The following PCDHA2 variants were observed in gnomAD, a reference collection of about 807,000 sequenced individuals.
PCDHA2 encodes the protein protocadherin alpha 2.
In PCDHA2, 58 loss-of-function variants were observed where a neutral mutation model predicts 66.0. That is an observed-to-expected ratio of 0.88 (90% CI 0.71 to 1.09). PCDHA2 has a LOEUF of 1.09. Among genes scored for constraint, PCDHA2 ranks in the 50% least tolerant of loss-of-function variants. The probability of loss-of-function intolerance (pLI) is 0.00; values close to 1 mark genes in which losing one functional copy is unlikely to be tolerated. For missense variants in PCDHA2, 1,267 were observed against 1,242.3 expected (o/e 1.02, Z -0.30); for synonymous variants, 634 against 554.0 (o/e 1.14, Z -2.03).
chr5:140,842,826 G>C (rs2150345442), intron 1 of PCDHA2: 2 of 1,593,690 alleles, frequency 1.3e-6, no homozygotes, highest in East Asian at 2.2e-5. Context: ...GTGGGCGAGC[G>C]CTCGCTGTCG....
intron 1 of PCDHA2, chr5:140,848,580 G>A: frequency 6.3e-7 from 1 of 1,595,144 alleles, no homozygotes; most frequent in Non-Finnish European, 8.6e-7. Flanking sequence ...GGTGGGGAGC[G>A]GCCAGCTCCA....
chr5:140,952,028 T>C (rs2094677235), intron 1 of PCDHA2, among the ~76,000 whole-genome samples: 1 of 152,164 alleles, frequency 6.6e-6, no homozygotes, highest in Non-Finnish European at 1.5e-5. Flanking sequence ...AAGTCCGAAA[T>C]CCAGTAGGGC....
chr5:140,795,703 T>C lies in PCDHA2; in HGVS notation c.739T>C (p.Tyr247His). ...TGAACCAACTTTTGCCCAATCAGTT[T>C]ACAAAGTAAAATTGTTAGAGAATAC... ...DNEPTFAQSV[Y>H]KVKLLENTAN... is the part of the protein sequence containing the mutation. The change falls in exon 1 of 4, where the codon TAC becomes CAC. Residue 247 changes from tyrosine (Y) to histidine (H), a missense_variant. Coordinates refer to ENST00000526136, the MANE Select transcript of PCDHA2 (RefSeq NM_018905.3). 1 of 1,614,144 alleles carries C rather than the reference T, an allele frequency of 6.2e-7. No homozygotes were observed. Among genetic ancestry groups the C allele is most frequent in the South Asian group, 1.1e-5 (1 of 91,088 alleles).
At chr5:140,869,546 C>T (rs201504685) in intron 1 of PCDHA2, 3 of 1,614,170 alleles carry the variant, frequency 1.9e-6, no homozygotes, top group Middle Eastern at 1.6e-4. Flanking sequence ...TCTAAGCAAT[C>T]GGACTCGCGT....
intron 1 of PCDHA2, among the ~76,000 whole-genome samples, chr5:140,845,551 C>A (rs1311867646): frequency 6.7e-6 from 1 of 149,234 alleles, no homozygotes. Context: ...TATGGTGATG[C>A]TTTTAGCTAT....
At chr5:140,862,992 C>A (rs781974665) in intron 1 of PCDHA2, 3 of 548,132 alleles carry the variant, frequency 5.5e-6, no homozygotes, top group Admixed American at 1.9e-5. Flanking sequence ...AAGGTGCGCA[C>A]GGTGGACTCC....
rs1026092245 is a variant in PCDHA2 at position 140,987,228 on chromosome 5, T to A, written c.2536+4665T>A. On this transcript the variant is annotated intron_variant, in intron 3 of 3. Transcript: ENST00000526136. The stretch of plus-strand genomic sequence containing the variant: ...GACTCCATCTCAAAAAAAAAAAAAA[T>A]AATAAATAAAGAAAGAAAGACATTC... Among the ~76,000 whole-genome samples, 392 of 149,148 alleles carry A rather than the reference T, an allele frequency of 2.6e-3. 1 individual carries two copies. Among genetic ancestry groups the A allele is most frequent in the African/African-American group, 8.3e-3 (336 of 40,458 alleles).
At chr5:140,978,913 T>C in intron 1 of PCDHA2, 36 bp from the exon 2 acceptor site, 1 of 1,613,902 alleles carries the variant, frequency 6.2e-7, no homozygotes, top group Non-Finnish European at 8.5e-7. Flanking sequence ...CATTGTCTTG[T>C]CATTTTAACA....
chr5:141,000,647 C>G (rs1442819157), intron 3 of PCDHA2, among the ~76,000 whole-genome samples: 1 of 151,182 alleles, frequency 6.6e-6, no homozygotes, highest in Non-Finnish European at 1.5e-5. Context: ...AGGCTGGTCT[C>G]GAACTCCTGA....
At chr5:140,881,330 G>A (rs2153378633) in intron 1 of PCDHA2, 1 of 984,626 alleles carries the variant, frequency 1.0e-6, no homozygotes, top group Non-Finnish European at 1.2e-6. Context: ...ATTTAACCAG[G>A]ACGCCGATTC....
At position 140,993,460 on chromosome 5, in the gene PCDHA2, T is replaced by TCACACA. The variant is rs1554253699; in HGVS notation, c.2536+10898_2536+10899insACACAC. ...TTCATTCCTGTTCTCCTTCTTTCTT[T>TCACACA]CTCACACACACACACACACACACAC... On this transcript the variant is annotated intron_variant, in intron 3 of 3. Transcript: ENST00000526136. Among the ~76,000 whole-genome samples, 49 of 104,564 alleles carry TCACACA rather than the reference T, an allele frequency of 4.7e-4. 1 individual carries two copies. Among genetic ancestry groups the TCACACA allele is most frequent in the Admixed American group, 1.8e-3 (15 of 8,460 alleles). 68.6% of individuals were successfully genotyped at this position (104,564 alleles called of 152,430 possible).
At chr5:140,995,543 G>T (rs1243799532) in intron 3 of PCDHA2, among the ~76,000 whole-genome samples, 1 of 152,144 alleles carries the variant, frequency 6.6e-6, no homozygotes, top group African/African-American at 2.4e-5. Flanking sequence ...AATAAGGGGC[G>T]ATCACTGTAC....
intron 1 of PCDHA2, among the ~76,000 whole-genome samples, chr5:140,935,315 A>G (rs552631416): frequency 5.9e-5 from 9 of 152,306 alleles, no homozygotes; most frequent in East Asian, 5.8e-4. Context: ...AACTTCATCA[A>G]TCTTACATTC....
intron 3 of PCDHA2, among the ~76,000 whole-genome samples, chr5:140,998,172 T>C (rs1438782798): frequency 6.6e-6 from 1 of 152,184 alleles, no homozygotes; most frequent in Admixed American, 6.5e-5. Flanking sequence ...CCAAGTATTA[T>C]TCTAAGCACT....
At chr5:140,863,397 C>T in intron 1 of PCDHA2, 1 of 873,170 alleles carries the variant, frequency 1.1e-6, no homozygotes, top group Admixed American at 1.9e-5. Flanking sequence ...GCATGCCGGG[C>T]AAGCCCACGC....
chr5:140,977,342 T>C (rs1554238451), intron 1 of PCDHA2, among the ~76,000 whole-genome samples: 3 of 152,222 alleles, frequency 2.0e-5, no homozygotes, highest in Non-Finnish European at 4.4e-5. Context: ...GAGACGGTGA[T>C]GATGACTGAT....
chr5:140,945,709 G>C (rs1033770128), intron 1 of PCDHA2, among the ~76,000 whole-genome samples: 4 of 151,930 alleles, frequency 2.6e-5, no homozygotes, highest in Admixed American at 1.3e-4. Flanking sequence ...TGCAACAAAA[G>C]TATCAAGAAT....
At chr5:141,002,956 G>C (rs782632089) in intron 3 of PCDHA2, among the ~76,000 whole-genome samples, 6 of 152,230 alleles carry the variant, frequency 3.9e-5, no homozygotes, top group Non-Finnish European at 7.3e-5. Context: ...GCCCCTCTGA[G>C]AGCTTTCCTG....
In PCDHA2 at chr5:140,796,706, TG is replaced by T. The variant is rs1554120061; in HGVS notation, c.1743del (p.Pro582ArgfsTer56). 1 of 1,613,860 alleles carries T rather than the reference TG, an allele frequency of 6.2e-7. No individual in the cohort carries two copies. On this transcript the variant is annotated frameshift_variant, in exon 1 of 4. Coordinates refer to ENST00000526136, the MANE Select transcript of PCDHA2 (RefSeq NM_018905.3). LOFTEE classifies it high-confidence loss of function. ...GCTGCTGGCGCAGTGAGTGAGCTGG[TG>T]CCGTGGTCGGTGGGTGCAGGGCACG... ...GTAAGAVSEL[V>X]PWSVGAGHVV...
Sources: allele counts gnomAD v4.1 joint callset (sites outside exome capture counted in the v4.1 genomes callset), GRCh38; gene constraint gnomAD v4.1.1; transcripts MANE v1.5; gene names NCBI Gene and HGNC (gene_info 2026-07-23, HGNC 2026-07-21).